The following SH3RF1 variants were observed in gnomAD, a reference collection of about 807,000 sequenced individuals.
SH3RF1 encodes the protein SH3 domain containing ring finger 1, also known as E3 ubiquitin-protein ligase SH3RF1.
A neutral mutation model predicts 74.0 loss-of-function variants in SH3RF1; 32 were observed. The observed-to-expected ratio is 0.43, with a 90% CI of 0.33 to 0.58. SH3RF1 has a LOEUF of 0.58. SH3RF1 is among the 20% of genes least tolerant of loss of function. SH3RF1 has a pLI of 0.05. For missense variants in SH3RF1, 954 were observed against 1,130.9 expected (o/e 0.84, Z 2.24); for synonymous variants, 396 against 439.6 (o/e 0.90, Z 1.24).
At chr4:169,189,787 G>C (rs1477222559) in intron 2 of SH3RF1, among the ~76,000 whole-genome samples, 1 of 152,140 alleles carries the variant, frequency 6.6e-6, no homozygotes, top group Non-Finnish European at 1.5e-5. Flanking sequence ...AGGCTGAAGG[G>C]AGATCAAGTA....
intron 6 of SH3RF1, among the ~76,000 whole-genome samples, chr4:169,122,540 A>C (rs1417837106): frequency 2.0e-5 from 3 of 152,174 alleles, no homozygotes; most frequent in African/African-American, 7.2e-5. Context: ...AAAAAAATGA[A>C]ACAATTGCAT....
intron 11 of SH3RF1, among the ~76,000 whole-genome samples, chr4:169,097,758 G>A (rs1043800933): frequency 1.3e-5 from 2 of 152,030 alleles, no homozygotes; most frequent in Non-Finnish European, 2.9e-5. Flanking sequence ...TGATGCACAG[G>A]ATGACCTGTG....
At chr4:169,229,506 A>G (rs996914866) in intron 2 of SH3RF1, among the ~76,000 whole-genome samples, 2 of 151,664 alleles carry the variant, frequency 1.3e-5, no homozygotes, top group African/African-American at 4.8e-5. Context: ...GGCCACATAC[A>G]TTTGGAAAAG....
chr4:169,176,683 G>A (rs557785030), intron 2 of SH3RF1, among the ~76,000 whole-genome samples: 1 of 152,066 alleles, frequency 6.6e-6, no homozygotes, highest in Non-Finnish European at 1.5e-5. Context: ...TGAGATTACA[G>A]GCATGCACCA....
intron 2 of SH3RF1, among the ~76,000 whole-genome samples, chr4:169,264,919 TCTGCCCCTTCC>T (rs1731329483): frequency 6.6e-6 from 1 of 152,196 alleles, no homozygotes; most frequent in Non-Finnish European, 1.5e-5. Flanking sequence ...ATTCTTCGCC[TCTGCCCCTTCC>T]CTGCCCAGCC....
rs148680465 is a variant in SH3RF1, at chr4:169,111,180, T to C, written c.2140-3975A>G. Among the ~76,000 whole-genome samples, 1,238 of 150,854 alleles carry C rather than the reference T, an allele frequency of 8.2e-3. 21 individuals carry two copies. The highest frequency in any genetic ancestry group is 0.029 in the African/African-American group (1,178 of 41,116). On this transcript the variant is annotated intron_variant, in intron 10 of 11. Transcript: ENST00000284637. ...AGCTGGGTATGGTGGTGCATGCCTG[T>C]AGTCCCACTACTTGGGAGGCTGAGG...
intron 10 of SH3RF1, among the ~76,000 whole-genome samples, chr4:169,109,156 G>C (rs1268940062): frequency 6.6e-6 from 1 of 152,164 alleles, no homozygotes; most frequent in African/African-American, 2.4e-5. Context: ...GCAACTTCCA[G>C]CTATTCTTGC....
Position 169,107,000 on chromosome 4 carries a change from G to A in SH3RF1, c.2345C>T (p.Thr782Met), listed in dbSNP as rs199625815. 4.0e-5 allele frequency: 64 copies of A among 1,613,992 alleles called. No individual in the cohort carries two copies. The East Asian group carries it at 5.8e-4, about 15-fold the overall frequency. Residue 782 changes from threonine (T) to methionine (M), a missense_variant, in exon 11 of 12, where the codon ACG (threonine) becomes ATG (methionine). Transcript: ENST00000284637. ...CAGGGCTGCTCCTGCCACTGCAGTC[G>A]TGACCGGTCCGTCCCCGTCCACAGG... Reference protein sequence around the residue: ...SCPVDGDGPVTTAVAGAALAQ... With the variant: ...SCPVDGDGPVMTAVAGAALAQ...
intron 11 of SH3RF1, among the ~76,000 whole-genome samples, chr4:169,105,555 A>G (rs905340683): frequency 6.6e-6 from 1 of 152,218 alleles, no homozygotes; most frequent in Non-Finnish European, 1.5e-5. Context: ...GAGAGTCAGA[A>G]CTGAGACTGA....
intron 2 of SH3RF1, among the ~76,000 whole-genome samples, chr4:169,199,606 A>C (rs1294948566): frequency 6.6e-6 from 1 of 151,952 alleles, no homozygotes; most frequent in Non-Finnish European, 1.5e-5. Flanking sequence ...AATGTGGCTT[A>C]GTGAATGCGC....
chr4:169,264,686 T>A lies in SH3RF1; in HGVS notation c.393+4134A>T, dbSNP rs553804808. The stretch of plus-strand genomic sequence containing the variant: ...GCCCTGCTAATCGTCTCAGTCCCAA[T>A]GGTCCCTCTTTCTTATCCCAAATGC... On this transcript the variant is annotated intron_variant, in intron 2 of 11. Coordinates refer to ENST00000284637, the MANE Select transcript of SH3RF1 (RefSeq NM_020870.4). Among the ~76,000 whole-genome samples the A allele has an allele frequency of 2.0e-5, 3 of 152,346 alleles. No homozygotes were observed. The East Asian group carries it at 5.8e-4, about 29-fold the overall frequency.
chr4:169,117,805 G>T (rs1167451686), intron 8 of SH3RF1, 23 bp from the exon 9 acceptor site: 4 of 1,594,236 alleles, frequency 2.5e-6, no homozygotes, highest in Non-Finnish European at 3.4e-6. Flanking sequence ...AAACATAGAT[G>T]GAAAGCCCAG....
chr4:169,159,184 C>T (rs541566374), intron 2 of SH3RF1, among the ~76,000 whole-genome samples: 3 of 152,274 alleles, frequency 2.0e-5, no homozygotes, highest in South Asian at 2.1e-4. Flanking sequence ...TCATTCACAA[C>T]GCTGTGTACT....
intron 2 of SH3RF1, among the ~76,000 whole-genome samples, chr4:169,174,751 C>T (rs919683497): frequency 1.3e-5 from 2 of 152,088 alleles, no homozygotes; most frequent in East Asian, 1.9e-4. Flanking sequence ...TTTTCTAAAG[C>T]CCCACCCCAA....
rs115648639 is a variant in SH3RF1, at chr4:169,132,687, T to C, written c.1069-2531A>G. On this transcript the variant is annotated intron_variant, in intron 5 of 11. Coordinates refer to ENST00000284637, the MANE Select transcript of SH3RF1 (RefSeq NM_020870.4). ...AAAGGCTAAGTAAGGTGGGGAAGAG[T>C]TGGGGTAAGCAAAAAGGAGGTGGGG... is the stretch of plus-strand genomic sequence containing the variant. Among the ~76,000 whole-genome samples the C allele has an allele frequency of 4.1e-3, 612 of 150,508 alleles. 4 individuals carry two copies. The highest frequency in any genetic ancestry group is 0.014 in the African/African-American group (566 of 40,836).
chr4:169,265,569 G>T (rs1385676603), intron 2 of SH3RF1, among the ~76,000 whole-genome samples: 2 of 152,158 alleles, frequency 1.3e-5, no homozygotes, highest in Non-Finnish European at 2.9e-5. Flanking sequence ...TGCCTCCCAG[G>T]TTCAAGCGAT....
chr4:169,208,631 G>A (rs542910364), intron 2 of SH3RF1, among the ~76,000 whole-genome samples: 4 of 152,264 alleles, frequency 2.6e-5, no homozygotes, highest in Non-Finnish European at 4.4e-5. Flanking sequence ...CCAAGGAGAA[G>A]AGGAGATGAC....
chr4:169,186,634 G>A (rs1734609385), intron 2 of SH3RF1, among the ~76,000 whole-genome samples: 2 of 150,594 alleles, frequency 1.3e-5, no homozygotes, highest in South Asian at 4.3e-4. Context: ...AAAATAAACT[G>A]AACTTAAAGG....
chr4:169,097,052 G>A (rs967806200), intron 11 of SH3RF1, among the ~76,000 whole-genome samples: 1 of 152,192 alleles, frequency 6.6e-6, no homozygotes, highest in Non-Finnish European at 1.5e-5. Flanking sequence ...GGAAACAGGA[G>A]TGAATTTATT....
Sources: gnomAD v4.1 joint callset for allele counts (sites outside exome capture counted in the v4.1 genomes callset) on GRCh38, gnomAD v4.1.1 for gene constraint, MANE v1.5 for transcripts, NCBI Gene and HGNC (gene_info 2026-07-23, HGNC 2026-07-21) for gene names.